PELI1: variants seen among roughly 807,000 people sequenced by gnomAD.
The protein encoded by PELI1 is pellino E3 ubiquitin protein ligase 1.
A neutral mutation model predicts 41.3 loss-of-function variants in PELI1; 15 were observed. That is an observed-to-expected ratio of 0.36 (90% CI 0.24 to 0.56). The LOEUF (loss-of-function observed/expected upper bound fraction) is 0.56, where lower values mean the gene tolerates loss of function less well. Ranked by LOEUF, PELI1 falls within the 20% of genes least tolerant of loss-of-function variation. PELI1 has a pLI of 0.82. For synonymous variants in PELI1, 178 were observed against 180.1 expected (o/e 0.99, Z 0.09); for missense variants, 403 against 525.5 (o/e 0.77, Z 2.28).
intron 1 of PELI1, among the ~76,000 whole-genome samples, chr2:64,118,988 T>G (rs899017593): frequency 7.8e-6 from 1 of 128,750 alleles, no homozygotes; most frequent in Non-Finnish European, 1.6e-5. Flanking sequence ...TTGTTTTTTT[T>G]TTTAAAGCCC....
At chr2:64,134,377 C>T (rs771828630) in intron 1 of PELI1, among the ~76,000 whole-genome samples, 17 of 152,100 alleles carry the variant, frequency 1.1e-4, no homozygotes, top group Admixed American at 3.3e-4. Context: ...TTAAGAGCCC[C>T]TCCTCAAAAT....
At position 64,099,165 on chromosome 2, in the gene PELI1, TACAC is replaced by T. The variant is rs70965174; in HGVS notation, c.303+1229_303+1232del. ...AGCCTGTGACCAAATATCTTGGAGA[TACAC>T]ACACACACACACACACACACACACA... is the stretch of plus-strand genomic sequence containing the variant. On this transcript the variant is annotated intron_variant, in intron 4 of 6. Coordinates refer to ENST00000358912, the MANE Select transcript of PELI1 (RefSeq NM_020651.4). Among the ~76,000 whole-genome samples, 802 of 144,856 alleles carry T rather than the reference TACAC, an allele frequency of 5.5e-3. 9 individuals carry two copies. The highest frequency in any genetic ancestry group is 0.017 in the African/African-American group (666 of 39,182).
In PELI1 at chr2:64,094,932, C is replaced by T. The variant is rs1680177268; in HGVS notation, c.1027G>A (p.Val343Ile). 1.2e-6 allele frequency: 2 copies of T among 1,612,978 alleles called. No individual in the cohort carries two copies. The highest frequency in any genetic ancestry group is 2.2e-5 in the East Asian group (1 of 44,794). The change falls in exon 7 of 7, where the codon GTT becomes ATT. Residue 343 changes from valine to isoleucine, a missense_variant. Coordinates refer to ENST00000358912, the MANE Select transcript of PELI1 (RefSeq NM_020651.4). ...CPMCRSVGPY[V>I]PLWLGCEAGF... ...GCTTCACATCCAAGCCACAGAGGAA[C>T]ATAGGGACCAACAGACCTACACATA...
intron 1 of PELI1, among the ~76,000 whole-genome samples, chr2:64,122,555 C>T (rs1054641766): frequency 1.1e-4 from 16 of 152,234 alleles, no homozygotes; most frequent in Admixed American, 1.0e-3. Context: ...AGGACTCATT[C>T]GTCACAGTCC....
chr2:64,106,634 T>C (rs999333237), intron 2 of PELI1, among the ~76,000 whole-genome samples: 5 of 152,204 alleles, frequency 3.3e-5, no homozygotes, highest in Non-Finnish European at 7.3e-5. Flanking sequence ...CAAAGGGCCT[T>C]AGATGATCTT....
At chr2:64,096,065 A>G (rs1200568012) in intron 6 of PELI1, 60 bp downstream of exon 6, 1 of 1,142,684 alleles carries the variant, frequency 8.8e-7, no homozygotes, top group African/African-American at 1.5e-5. Flanking sequence ...TAATGCATTC[A>G]GTTCTACTCA....
At chr2:64,125,040 A>AG (rs1681340483) in intron 1 of PELI1, among the ~76,000 whole-genome samples, 1 of 141,522 alleles carries the variant, frequency 7.1e-6, no homozygotes, top group African/African-American at 2.6e-5. Flanking sequence ...AATGCAACCC[A>AG]GGAACAGCCA....
At position 64,104,682 on chromosome 2, in the gene PELI1, T is replaced by TC; in HGVS notation, c.201+18_201+19insG. 8.1e-6 allele frequency: 1 copy of TC among 123,334 alleles called. No homozygotes were observed. Among genetic ancestry groups the TC allele is most frequent in the East Asian group, 2.4e-4 (1 of 4,240 alleles). 7.6% of individuals were successfully genotyped at this position (123,334 alleles called of 1,614,324 possible). A position where few individuals can be genotyped will look rare whatever the true frequency, so the allele number is the denominator to read the frequency against. The stretch of plus-strand genomic sequence containing the variant: ...AATTCTCCAAGTTAATTTATGTAGC[T>TC]TTTTTTTTTTTTTTTTACCTTTGCA... On this transcript the variant is annotated intron_variant, in intron 3 of 6. Transcript: ENST00000358912.
chr2:64,102,983 C>G (rs142231505), intron 3 of PELI1, among the ~76,000 whole-genome samples: 1 of 151,820 alleles, frequency 6.6e-6, no homozygotes, highest in Non-Finnish European at 1.5e-5. Context: ...GCTGGGACTT[C>G]GGGGCATGCC....
intron 4 of PELI1, 23 bp from the exon 5 acceptor site, chr2:64,096,633 T>C: frequency 6.6e-7 from 1 of 1,508,194 alleles, no homozygotes; most frequent in South Asian, 1.1e-5. Context: ...AAAAAATACC[T>C]ATAAACCCAT....
intron 4 of PELI1, among the ~76,000 whole-genome samples, chr2:64,099,753 A>G (rs965902770): frequency 6.6e-6 from 1 of 152,214 alleles, no homozygotes; most frequent in African/African-American, 2.4e-5. Flanking sequence ...GCTCAATATT[A>G]AGGGAGAAGA....
intron 2 of PELI1, among the ~76,000 whole-genome samples, chr2:64,105,756 A>C (rs1162813194): frequency 1.3e-5 from 2 of 152,230 alleles, no homozygotes; most frequent in African/African-American, 2.4e-5. Context: ...AGGCATGAGC[A>C]GTAGCTTAAT....
At chr2:64,135,645 C>T (rs1216001478) in intron 1 of PELI1, among the ~76,000 whole-genome samples, 1 of 152,136 alleles carries the variant, frequency 6.6e-6, no homozygotes, top group Non-Finnish European at 1.5e-5. Context: ...AAGTATCTTG[C>T]AATGCACAAG....
chr2:64,096,598 T>C lies in PELI1; in HGVS notation c.316A>G (p.Thr106Ala). 1 of 1,610,762 alleles carries C rather than the reference T, an allele frequency of 6.2e-7. No homozygotes were observed. The highest frequency in any genetic ancestry group is 8.5e-7 in the Non-Finnish European group (1 of 1,177,908). Residue 106 changes from threonine (T) to alanine (A), a missense_variant, in exon 5 of 7, where the codon ACT becomes GCT. Transcript: ENST00000358912. Reference protein sequence around the residue: ...NTDMFQIGRSTESPIDFVVTD... With the variant: ...NTDMFQIGRSAESPIDFVVTD... ...ACTACAAAATCAATGGGGCTTTCAGTCGACCGGCCAATCTGAGGGAAAAAA... is the reference window on the plus strand; with the variant it reads ...ACTACAAAATCAATGGGGCTTTCAGCCGACCGGCCAATCTGAGGGAAAAAA...
chr2:64,123,154 C>G lies in PELI1; in HGVS notation c.-69-14775G>C, dbSNP rs138080119. Among the ~76,000 whole-genome samples the G allele has an allele frequency of 2.8e-4, 43 of 152,310 alleles. No individual in the cohort carries two copies. The East Asian group carries it at 7.9e-3, about 28-fold the overall frequency. The stretch of plus-strand genomic sequence containing the variant: ...GATGGCCAAGTGTTCAACTTTAGCT[C>G]CACTCTTTTCTATATGTTGTTATAA... On this transcript the variant is annotated intron_variant, in intron 1 of 6. Coordinates refer to ENST00000358912, the MANE Select transcript of PELI1 (RefSeq NM_020651.4).
At chr2:64,102,058 C>A (rs1680456283) in intron 3 of PELI1, among the ~76,000 whole-genome samples, 1 of 152,046 alleles carries the variant, frequency 6.6e-6, no homozygotes, top group Non-Finnish European at 1.5e-5. Flanking sequence ...AACTCCTGAC[C>A]TCGTGATCCA....
chr2:64,139,496 C>T (rs920351816), intron 1 of PELI1, among the ~76,000 whole-genome samples: 3 of 151,868 alleles, frequency 2.0e-5, no homozygotes, highest in Non-Finnish European at 2.9e-5. Flanking sequence ...GGTCTCACCA[C>T]GTTGCCCAGG....
intron 6 of PELI1, among the ~76,000 whole-genome samples, chr2:64,095,550 T>C (rs976931015): frequency 6.6e-6 from 1 of 152,268 alleles, no homozygotes; most frequent in East Asian, 1.9e-4. Context: ...GTAAATATGG[T>C]TTAAGATATA....
chr2:64,122,738 A>T (rs554137083), intron 1 of PELI1, among the ~76,000 whole-genome samples: 9 of 152,326 alleles, frequency 5.9e-5, no homozygotes, highest in African/African-American at 2.2e-4. Flanking sequence ...CCAGTTTTTT[A>T]CTTGTCAAAT....
Sources: gnomAD v4.1 joint callset for allele counts (sites outside exome capture counted in the v4.1 genomes callset) on GRCh38, gnomAD v4.1.1 for gene constraint, MANE v1.5 for transcripts, NCBI Gene and HGNC (gene_info 2026-07-23, HGNC 2026-07-21) for gene names.